The following ROBO2 variants were observed in gnomAD, a reference collection of about 807,000 sequenced individuals.
ROBO2 encodes the protein roundabout homolog 2.
A neutral mutation model predicts 160.8 loss-of-function variants in ROBO2; 53 were observed. The ratio of observed to expected loss-of-function variants is 0.33; its 90% CI spans 0.26 to 0.41. The LOEUF (loss-of-function observed/expected upper bound fraction) is 0.41. Ranked by LOEUF, ROBO2 falls within the 10% of genes least tolerant of loss-of-function variation. The pLI is 1.00. For synonymous variants in ROBO2, 664 were observed against 611.7 expected (o/e 1.09, Z -1.26); for missense variants, 1,577 against 1,722.4 (o/e 0.92, Z 1.49).
At chr3:77,201,539 A>T (rs2082913087) in intron 2 of ROBO2, among the ~76,000 whole-genome samples, 1 of 152,240 alleles carries the variant, frequency 6.6e-6, no homozygotes, top group Non-Finnish European at 1.5e-5. Context: ...GGAACATGAT[A>T]AAATATTTTA....
chr3:76,223,302 C>G (rs1395931824), intron 2 of ROBO2, among the ~76,000 whole-genome samples: 1 of 151,808 alleles, frequency 6.6e-6, no homozygotes, highest in East Asian at 2.0e-4. Flanking sequence ...TCAGGAGAGG[C>G]CATTACTGTT....
At chr3:76,104,401 G>C (rs1302458468) in intron 2 of ROBO2, among the ~76,000 whole-genome samples, 3 of 152,144 alleles carry the variant, frequency 2.0e-5, no homozygotes, top group Non-Finnish European at 4.4e-5. Flanking sequence ...GGAAAGAAGA[G>C]GGTGGTAGAT....
At chr3:76,079,515 G>T (rs575437034) in intron 2 of ROBO2, among the ~76,000 whole-genome samples, 79 of 138,118 alleles carry the variant, frequency 5.7e-4, no homozygotes, top group Middle Eastern at 4.2e-3. Context: ...ACAGAGTCTC[G>T]CTCTGTCGCC....
chr3:77,168,851 G>A (rs538666778), intron 2 of ROBO2, among the ~76,000 whole-genome samples: 56 of 152,254 alleles, frequency 3.7e-4, no homozygotes, highest in Admixed American at 3.3e-3. Context: ...CTCAGGGAAG[G>A]ACCACATGTA....
chr3:77,533,945 C>G (rs565514148), intron 6 of ROBO2, among the ~76,000 whole-genome samples: 1 of 150,640 alleles, frequency 6.6e-6, no homozygotes, highest in African/African-American at 2.4e-5. Flanking sequence ...AGCTTATTTT[C>G]TACAGTTATG....
chr3:76,516,182 T>C (rs2081340110), intron 2 of ROBO2, among the ~76,000 whole-genome samples: 1 of 152,180 alleles, frequency 6.6e-6, no homozygotes, highest in Non-Finnish European at 1.5e-5. Flanking sequence ...TTTTGGCTGA[T>C]AAATGTATGT....
chr3:76,862,203 A>G (rs2070857363), intron 2 of ROBO2, among the ~76,000 whole-genome samples: 1 of 152,168 alleles, frequency 6.6e-6, no homozygotes, highest in South Asian at 2.1e-4. Context: ...ATTCTCTTAC[A>G]TCTTATTACC....
chr3:77,127,309 C>A (rs79690803), intron 2 of ROBO2, among the ~76,000 whole-genome samples: 7 of 152,020 alleles, frequency 4.6e-5, no homozygotes, highest in Admixed American at 1.3e-4. Flanking sequence ...TTTAATCTTG[C>A]GCACAGTTGT....
intron 2 of ROBO2, among the ~76,000 whole-genome samples, chr3:76,264,484 T>C (rs1333128467): frequency 6.6e-6 from 1 of 152,118 alleles, no homozygotes; most frequent in Admixed American, 6.6e-5. Flanking sequence ...TGTATGTCTC[T>C]CGCTTTCTTA....
At chr3:76,520,404 T>C (rs139139197) in intron 2 of ROBO2, among the ~76,000 whole-genome samples, 12,818 of 152,150 alleles carry the variant, frequency 0.084, 665 homozygotes, top group Middle Eastern at 0.12. Context: ...TGAGCCGAGA[T>C]TGTGCCACTG....
At chr3:77,272,170 G>A (rs2153355610) in intron 2 of ROBO2, among the ~76,000 whole-genome samples, 1 of 152,310 alleles carries the variant, frequency 6.6e-6, no homozygotes. Flanking sequence ...TGATGAACTA[G>A]TTTAAGATAC....
At chr3:76,737,466 A>G (rs997504532) in intron 2 of ROBO2, among the ~76,000 whole-genome samples, 3 of 152,322 alleles carry the variant, frequency 2.0e-5, no homozygotes, top group Middle Eastern at 3.4e-3. Flanking sequence ...AAATAATTCA[A>G]AATTTTAAAG....
At chr3:77,547,309 T>A (rs775748) in intron 7 of ROBO2, among the ~76,000 whole-genome samples, 82,306 of 151,922 alleles carry the variant, frequency 0.54, 22,388 homozygotes, top group Middle Eastern at 0.68. Flanking sequence ...GATATTTTCC[T>A]TCTAAACTTT....
intron 2 of ROBO2, among the ~76,000 whole-genome samples, chr3:76,458,411 C>G (rs2077897808): frequency 6.6e-6 from 1 of 152,182 alleles, no homozygotes; most frequent in African/African-American, 2.4e-5. Context: ...ACAGCCTCAG[C>G]CTGGACCTTA....
At chr3:76,357,410 T>A (rs1476045062) in intron 2 of ROBO2, among the ~76,000 whole-genome samples, 1 of 151,830 alleles carries the variant, frequency 6.6e-6, no homozygotes, top group East Asian at 1.9e-4. Flanking sequence ...TCGATGAACC[T>A]CAAAAATGTA....
intron 2 of ROBO2, among the ~76,000 whole-genome samples, chr3:76,674,178 A>T (rs553951176): frequency 6.6e-6 from 1 of 152,292 alleles, no homozygotes; most frequent in Admixed American, 6.5e-5. Flanking sequence ...AAGGGGAAGG[A>T]TGGAACTGGA....
chr3:76,206,353 C>A (rs1417895957), intron 2 of ROBO2, among the ~76,000 whole-genome samples: 2 of 151,874 alleles, frequency 1.3e-5, no homozygotes, highest in Non-Finnish European at 2.9e-5. Context: ...TTGGTGTTTG[C>A]CATTTTGTGT....
At chr3:76,334,603 T>A (rs967468265) in intron 2 of ROBO2, among the ~76,000 whole-genome samples, 5 of 152,160 alleles carry the variant, frequency 3.3e-5, no homozygotes, top group Non-Finnish European at 7.3e-5. Context: ...AAGAGTCACA[T>A]AGGCATAACA....
exon 17 of ROBO2, chr3:77,588,853 C>T (rs1259985836): frequency 6.2e-7 from 1 of 1,613,388 alleles, no homozygotes; most frequent in South Asian, 1.1e-5. Context: ...ATTGGTGGTG[C>T]CTGCTGGGTA....
Sources: gnomAD v4.1 joint callset for allele counts (sites outside exome capture counted in the v4.1 genomes callset) on GRCh38, gnomAD v4.1.1 for gene constraint, MANE v1.5 for transcripts, NCBI Gene and HGNC (gene_info 2026-07-23, HGNC 2026-07-21) for gene names.